PARP15: variants seen among roughly 807,000 people sequenced by gnomAD.
PARP15 encodes the protein poly(ADP-ribose) polymerase family member 15.
A neutral mutation model predicts 62.1 loss-of-function variants in PARP15; 50 were observed. The ratio of observed to expected loss-of-function variants is 0.81; its 90% CI spans 0.64 to 1.02. The LOEUF (loss-of-function observed/expected upper bound fraction) is 1.02. PARP15 is among the 50% of genes least tolerant of loss of function. PARP15 has a pLI of 0.00. For synonymous variants in PARP15, 309 were observed against 293.1 expected (o/e 1.05, Z -0.55); for missense variants, 820 against 826.5 (o/e 0.99, Z 0.10).
intron 9 of PARP15, among the ~76,000 whole-genome samples, chr3:122,629,631 T>G (rs1376552384): frequency 6.6e-6 from 1 of 152,176 alleles, no homozygotes; most frequent in Non-Finnish European, 1.5e-5. Flanking sequence ...ATTACATTTA[T>G]TGTCCACTTT....
intron 11 of PARP15, 47 bp from the exon 12 acceptor site, chr3:122,635,764 T>C (rs1937324139): frequency 6.4e-7 from 1 of 1,566,376 alleles, no homozygotes; most frequent in South Asian, 1.2e-5. Context: ...TTCTACACAT[T>C]GTGTAATTTT....
chr3:122,638,993 C>G lies in PARP15; in HGVS notation c.*2893C>G, dbSNP rs1469894382. The G allele has an allele frequency of 6.6e-6, 1 of 152,094 alleles. No homozygotes were observed. The highest frequency in any genetic ancestry group is 1.5e-5 in the Non-Finnish European group (1 of 68,004). 9.4% of individuals were successfully genotyped at this position (152,094 alleles called of 1,614,324 possible). On this transcript the variant is annotated 3_prime_UTR_variant, in exon 12 of 12. Coordinates refer to ENST00000464300, the MANE Select transcript of PARP15 (RefSeq NM_001113523.3). Reference sequence around the variant, plus strand: ...TTATTTATAGTTTAATAATCAGTTTCATCTTGCAGTGTATCATTTTCCTCG... The same window carrying G: ...TTATTTATAGTTTAATAATCAGTTTGATCTTGCAGTGTATCATTTTCCTCG...
chr3:122,580,252 T>G (rs2080776569), intron 1 of PARP15, among the ~76,000 whole-genome samples: 1 of 151,800 alleles, frequency 6.6e-6, no homozygotes, highest in African/African-American at 2.4e-5. Context: ...GAGAGGATGA[T>G]GAAATCTCCA....
intron 1 of PARP15, 62 bp from the exon 2 acceptor site, chr3:122,605,874 C>A: frequency 6.6e-7 from 1 of 1,523,056 alleles, no homozygotes. Flanking sequence ...AGCCACCGCA[C>A]CTGGCCTAAG....
chr3:122,582,136 T>C (rs1932998231), intron 1 of PARP15, among the ~76,000 whole-genome samples: 1 of 152,138 alleles, frequency 6.6e-6, no homozygotes, highest in African/African-American at 2.4e-5. Flanking sequence ...CTTTTGCATG[T>C]CTGAAAGGTT....
intron 10 of PARP15, 145 bp downstream of exon 10, chr3:122,632,364 C>G (rs535611677): frequency 7.8e-6 from 6 of 773,202 alleles, no homozygotes; most frequent in Non-Finnish European, 1.0e-5. Context: ...CCATAGACTT[C>G]AAATCTCATA....
intron 8 of PARP15, among the ~76,000 whole-genome samples, chr3:122,626,137 A>G (rs1326023101): frequency 1.3e-5 from 2 of 151,856 alleles, no homozygotes; most frequent in East Asian, 3.9e-4. Flanking sequence ...TATCTTATCT[A>G]GAAGGAAGGA....
chr3:122,589,894 T>C (rs1262162110), intron 1 of PARP15, among the ~76,000 whole-genome samples: 2 of 147,290 alleles, frequency 1.4e-5, no homozygotes, highest in Admixed American at 6.7e-5. Flanking sequence ...ATAACTTTTT[T>C]TTTTTTTTTT....
intron 1 of PARP15, among the ~76,000 whole-genome samples, chr3:122,583,246 A>G (rs113273650): frequency 0.061 from 9,032 of 147,944 alleles, 882 homozygotes; most frequent in African/African-American, 0.21. Context: ...TCAGCCTCCT[A>G]AACGCTGGGA....
intron 9 of PARP15, among the ~76,000 whole-genome samples, chr3:122,629,666 T>C (rs1323932182): frequency 6.6e-6 from 1 of 152,186 alleles, no homozygotes; most frequent in African/African-American, 2.4e-5. Flanking sequence ...TACATTGTAA[T>C]ATATTATGAA....
At chr3:122,593,116 CTATCTATG>C (rs1242810439) in intron 1 of PARP15, among the ~76,000 whole-genome samples, 4 of 105,954 alleles carry the variant, frequency 3.8e-5, no homozygotes, top group African/African-American at 1.1e-4. Flanking sequence ...ATCTATCTAT[CTATCTATG>C]TATCTATCTA....
intron 10 of PARP15, among the ~76,000 whole-genome samples, chr3:122,632,453 C>A (rs188116418): frequency 1.3e-5 from 2 of 152,276 alleles, no homozygotes; most frequent in Admixed American, 1.3e-4. Context: ...AGTCACAAAC[C>A]AACCCACTCA....
chr3:122,608,932 A>C (rs1935369577), intron 2 of PARP15, among the ~76,000 whole-genome samples: 1 of 151,460 alleles, frequency 6.6e-6, no homozygotes, highest in East Asian at 2.0e-4. Context: ...ATTTTTTTTT[A>C]ATTGTAGAGA....
At chr3:122,616,826 C>T (rs1383626120) in intron 5 of PARP15, among the ~76,000 whole-genome samples, 189 bp from the exon 6 acceptor site, 7 of 152,074 alleles carry the variant, frequency 4.6e-5, no homozygotes, top group African/African-American at 1.4e-4. Context: ...TGTCACAAAG[C>T]GTTATTTTCT....
chr3:122,584,192 G>A (rs1933222187), intron 1 of PARP15, among the ~76,000 whole-genome samples: 1 of 152,192 alleles, frequency 6.6e-6, no homozygotes, highest in Non-Finnish European at 1.5e-5. Flanking sequence ...GGGATAGGAA[G>A]TGTGTTACTC....
chr3:122,617,318 A>C (rs546978165), intron 6 of PARP15, among the ~76,000 whole-genome samples, 154 bp downstream of exon 6: 1 of 152,238 alleles, frequency 6.6e-6, no homozygotes, highest in Non-Finnish European at 1.5e-5. Context: ...CAGCTATGCC[A>C]CTTAGCAATG....
rs560502582 is a variant in PARP15, at chr3:122,592,652, G to A, written c.187-13284G>A. Among the ~76,000 whole-genome samples the A allele has an allele frequency of 6.6e-5, 10 of 151,184 alleles. No homozygotes were observed. In the South Asian group the frequency reaches 8.4e-4, roughly 13 times the overall value. ...AAAAAGAAAACCAGACAAGGCAAAGGAAGAGGGGAAAGTCAAGCATGCACA... is the reference window on the plus strand; with the variant it reads ...AAAAAGAAAACCAGACAAGGCAAAGAAAGAGGGGAAAGTCAAGCATGCACA... On this transcript the variant is annotated intron_variant, in intron 1 of 11. Coordinates refer to ENST00000464300, the MANE Select transcript of PARP15 (RefSeq NM_001113523.3).
At chr3:122,621,362 G>A in intron 7 of PARP15, 82 bp from the exon 8 acceptor site, 1 of 1,438,844 alleles carries the variant, frequency 7.0e-7, no homozygotes, top group East Asian at 2.3e-5. Context: ...ACGGATGTCA[G>A]CTGTTTTCAT....
At position 122,583,114 on chromosome 3, in the gene PARP15, C is replaced by CTTTTTT. The variant is rs67942585; in HGVS notation, c.186+5279_186+5284dup. On this transcript the variant is annotated intron_variant, in intron 1 of 11. Coordinates refer to ENST00000464300, the MANE Select transcript of PARP15 (RefSeq NM_001113523.3). ...TGTTTACTAATTCTATCATCTGTAT[C>CTTTTTT]TTTTTTTTTTTTTTTTTTTTTTTGA... Among the ~76,000 whole-genome samples the CTTTTTT allele has an allele frequency of 4.2e-3, 351 of 83,394 alleles. 5 individuals are homozygous for CTTTTTT. Among genetic ancestry groups the CTTTTTT allele is most frequent in the Middle Eastern group, 0.011 (1 of 94 alleles). 54.7% of individuals were successfully genotyped at this position (83,394 alleles called of 152,430 possible). A position where few individuals can be genotyped will look rare whatever the true frequency, so the allele number is the denominator to read the frequency against.
Sources: gnomAD v4.1 joint callset for allele counts (sites outside exome capture counted in the v4.1 genomes callset) on GRCh38, gnomAD v4.1.1 for gene constraint, MANE v1.5 for transcripts, NCBI Gene and HGNC (gene_info 2026-07-23, HGNC 2026-07-21) for gene names.